CBLB: variants seen among roughly 807,000 people sequenced by gnomAD.
The protein encoded by CBLB is E3 ubiquitin-protein ligase CBL-B.
In CBLB, 31 loss-of-function variants were observed where a neutral mutation model predicts 104.9. The ratio of observed to expected loss-of-function variants is 0.30; its 90% CI spans 0.22 to 0.40. CBLB has a LOEUF of 0.40. Ranked by LOEUF, CBLB falls within the 10% of genes least tolerant of loss-of-function variation. The pLI is 1.00. For missense variants in CBLB, 1,062 were observed against 1,214.6 expected (o/e 0.87, Z 1.87); for synonymous variants, 440 against 422.6 (o/e 1.04, Z -0.51).
At chr3:105,797,956 C>T (rs1221773000) in intron 3 of CBLB, among the ~76,000 whole-genome samples, 4 of 152,182 alleles carry the variant, frequency 2.6e-5, no homozygotes, top group Non-Finnish European at 4.4e-5. Flanking sequence ...CCCATTACAA[C>T]GGTAGAAGCA....
In CBLB at chr3:105,750,482, T is replaced by C. The variant is rs73854398; in HGVS notation, c.723+980A>G. On this transcript the variant is annotated intron_variant, in intron 5 of 18. Transcript: ENST00000394030. ...CAGATTAAAATGATAAAAAATAATA[T>C]CAGAACATAAGTAAGCCCAGTCTGA... is the stretch of plus-strand genomic sequence containing the variant. 6.4e-3 allele frequency among the ~76,000 whole-genome samples: 976 copies of C among 152,248 alleles called. 12 individuals are homozygous for C. Among genetic ancestry groups the C allele is most frequent in the African/African-American group, 0.022 (934 of 41,538 alleles).
chr3:105,807,849 A>G (rs1397657321), intron 3 of CBLB, among the ~76,000 whole-genome samples: 1 of 152,218 alleles, frequency 6.6e-6, no homozygotes, highest in African/African-American at 2.4e-5. Context: ...GAATTATTAG[A>G]TAAGTAAAGG....
chr3:105,722,652 CACTATTAGGCT>C (rs1190492683), intron 9 of CBLB, among the ~76,000 whole-genome samples: 3 of 152,192 alleles, frequency 2.0e-5, no homozygotes, highest in African/African-American at 7.2e-5. Flanking sequence ...GTGCAAGCCA[CACTATTAGGCT>C]ACGTAAGTTT....
chr3:105,743,012 G>T (rs2075762909), intron 6 of CBLB, among the ~76,000 whole-genome samples: 1 of 152,096 alleles, frequency 6.6e-6, no homozygotes, highest in Non-Finnish European at 1.5e-5. Flanking sequence ...AGAGCCAAGG[G>T]CATTTTAGAA....
chr3:105,855,932 C>T (rs1301022310), intron 2 of CBLB, among the ~76,000 whole-genome samples: 3 of 152,180 alleles, frequency 2.0e-5, no homozygotes, highest in African/African-American at 7.2e-5. Flanking sequence ...TGCCTCTGGG[C>T]ACCCATAAAA....
intron 3 of CBLB, among the ~76,000 whole-genome samples, chr3:105,827,741 A>G (rs1219214869): frequency 2.0e-5 from 3 of 152,236 alleles, no homozygotes; most frequent in African/African-American, 7.2e-5. Flanking sequence ...TGGGTCATAC[A>G]TCTAACAGTT....
At position 105,686,194 on chromosome 3, in the gene CBLB, G is replaced by A. The variant is rs2066977266; in HGVS notation, c.2055-728C>T. Among the ~76,000 whole-genome samples the A allele has an allele frequency of 2.0e-5, 3 of 152,126 alleles. No homozygotes were observed. The South Asian group carries it at 6.2e-4, about 32-fold the overall frequency. ...TTAAGCATTTCACTTATCCATAAGA[G>A]TAAATAAACCAAATAAAACAAACCC... On this transcript the variant is annotated intron_variant, in intron 13 of 18. Transcript: ENST00000394030.
intron 10 of CBLB, among the ~76,000 whole-genome samples, chr3:105,704,465 A>C (rs1242411759): frequency 6.6e-6 from 1 of 152,226 alleles, no homozygotes; most frequent in Non-Finnish European, 1.5e-5. Context: ...TTCTTCAAGA[A>C]AACCATCTAT....
At chr3:105,786,400 A>C (rs2081028253) in intron 3 of CBLB, among the ~76,000 whole-genome samples, 2 of 152,132 alleles carry the variant, frequency 1.3e-5, no homozygotes, top group African/African-American at 2.4e-5. Context: ...TTCCAGACTC[A>C]CTGCAATGTC....
At chr3:105,822,015 C>G (rs1490540393) in intron 3 of CBLB, among the ~76,000 whole-genome samples, 1 of 151,970 alleles carries the variant, frequency 6.6e-6, no homozygotes, top group Non-Finnish European at 1.5e-5. Context: ...AAATGTGGCT[C>G]ATTATATTTA....
At chr3:105,671,816 G>T (rs192172276) in intron 17 of CBLB, 1 of 194,644 alleles carries the variant, frequency 5.1e-6, no homozygotes, top group East Asian at 8.1e-5. Flanking sequence ...TTAATTTCAA[G>T]ATTAAAATAA....
rs181431340 is a variant in CBLB, at chr3:105,667,344, T to C, written c.2689+2889A>G. Among the ~76,000 whole-genome samples, 150 of 152,296 alleles carry C rather than the reference T, an allele frequency of 9.8e-4. 1 individual carries two copies. Among genetic ancestry groups the C allele is most frequent in the African/African-American group, 3.2e-3 (134 of 41,562 alleles). On this transcript the variant is annotated intron_variant, in intron 18 of 18. Coordinates refer to ENST00000394030, the MANE Select transcript of CBLB (RefSeq NM_170662.5). ...ATGGTATTCAAACTGTAGTACAATA[T>C]GTCTTACAACAAGAGAAAAGCAAAC...
chr3:105,849,144 AAGGG>A (rs1463143128), intron 3 of CBLB, among the ~76,000 whole-genome samples: 4 of 152,184 alleles, frequency 2.6e-5, no homozygotes, highest in Admixed American at 2.6e-4. Flanking sequence ...TTGGAATCCT[AAGGG>A]AACCTAGAAG....
intron 17 of CBLB, among the ~76,000 whole-genome samples, chr3:105,674,952 T>C (rs1487699324): frequency 1.3e-5 from 2 of 152,190 alleles, no homozygotes; most frequent in Non-Finnish European, 2.9e-5. Flanking sequence ...GAGGCACTTT[T>C]GCAGAGACAT....
chr3:105,843,396 G>A (rs1004895866), intron 3 of CBLB, among the ~76,000 whole-genome samples: 1 of 152,024 alleles, frequency 6.6e-6, no homozygotes, highest in Non-Finnish European at 1.5e-5. Context: ...ATGTGCAATA[G>A]GGAAAAGTTT....
At chr3:105,799,461 T>G (rs2082601197) in intron 3 of CBLB, among the ~76,000 whole-genome samples, 1 of 152,176 alleles carries the variant, frequency 6.6e-6, no homozygotes, top group African/African-American at 2.4e-5. Context: ...TTTCAGTGCC[T>G]TTCATATAAA....
At chr3:105,840,271 C>A (rs145745234) in intron 3 of CBLB, among the ~76,000 whole-genome samples, 2 of 151,902 alleles carry the variant, frequency 1.3e-5, no homozygotes, top group African/African-American at 4.8e-5. Flanking sequence ...ATATTTCACA[C>A]ATGTATATAC....
At chr3:105,701,497 T>G (rs2069104073) in intron 12 of CBLB, among the ~76,000 whole-genome samples, 1 of 152,224 alleles carries the variant, frequency 6.6e-6, no homozygotes, top group Non-Finnish European at 1.5e-5. Context: ...GCACAGTGGC[T>G]CATGCCTGTA....
At chr3:105,680,124 G>T (rs984664823) in intron 16 of CBLB, among the ~76,000 whole-genome samples, 2 of 152,162 alleles carry the variant, frequency 1.3e-5, no homozygotes, top group Admixed American at 1.3e-4. Context: ...CATATGCATT[G>T]GATGAGGAAA....
Sources: allele counts gnomAD v4.1 joint callset (sites outside exome capture counted in the v4.1 genomes callset), GRCh38; gene constraint gnomAD v4.1.1; transcripts MANE v1.5; gene names NCBI Gene and HGNC (gene_info 2026-07-23, HGNC 2026-07-21).